Variants in LIMD1 observed in about 807,000 individuals in gnomAD.
LIMD1 encodes the protein LIM domain-containing protein 1.
In LIMD1, 23 loss-of-function variants were observed where a neutral mutation model predicts 58.4. The ratio of observed to expected loss-of-function variants is 0.39; its 90% CI spans 0.28 to 0.56. The LOEUF (loss-of-function observed/expected upper bound fraction) is 0.56. Ranked by LOEUF, LIMD1 falls within the 20% of genes least tolerant of loss-of-function variation. The probability of loss-of-function intolerance (pLI) is 0.57; values close to 1 mark genes in which losing one functional copy is unlikely to be tolerated. For synonymous variants in LIMD1, 334 were observed against 345.5 expected (o/e 0.97, Z 0.37); for missense variants, 838 against 855.5 (o/e 0.98, Z 0.25).
At chr3:45,624,747 A>C (rs1012997586) in intron 1 of LIMD1, among the ~76,000 whole-genome samples, 3 of 151,822 alleles carry the variant, frequency 2.0e-5, no homozygotes, top group African/African-American at 7.3e-5. Flanking sequence ...ACAAAAAAAA[A>C]CTTTCCATCA....
chr3:45,636,833 C>A (rs117194820), intron 2 of LIMD1, among the ~76,000 whole-genome samples: 2 of 152,174 alleles, frequency 1.3e-5, no homozygotes, highest in East Asian at 3.9e-4. Context: ...ATAATTCAAG[C>A]AGCCCATCAG....
Position 45,682,398 on chromosome 3 carries a change from C to G in LIMD1, c.*5339C>G, listed in dbSNP as rs9851400. 0.45 allele frequency: 69,070 copies of G among 152,116 alleles called. 16,092 individuals are homozygous for G. The highest frequency in any genetic ancestry group is 0.7 in the East Asian group (3,591 of 5,162). 9.4% of individuals were successfully genotyped at this position (152,116 alleles called of 1,614,324 possible). A position where few individuals can be genotyped will look rare whatever the true frequency, so the allele number is the denominator to read the frequency against. ...TAAATATTCCCGCCATGGCCACTTTCCAGCTACCAGCAAGGCATCCTGGCA... is the reference window on the plus strand; with the variant it reads ...TAAATATTCCCGCCATGGCCACTTTGCAGCTACCAGCAAGGCATCCTGGCA... On this transcript the variant is annotated 3_prime_UTR_variant, in exon 8 of 8. Coordinates refer to ENST00000273317, the MANE Select transcript of LIMD1 (RefSeq NM_014240.3).
intron 4 of LIMD1, among the ~76,000 whole-genome samples, chr3:45,669,045 C>A (rs1230395501): frequency 6.6e-6 from 1 of 152,136 alleles, no homozygotes; most frequent in Non-Finnish European, 1.5e-5. Flanking sequence ...TGTTTTTCTC[C>A]CTGTGTTATG....
intron 2 of LIMD1, among the ~76,000 whole-genome samples, chr3:45,652,538 T>A (rs949160646): frequency 2.0e-5 from 3 of 152,254 alleles, no homozygotes; most frequent in African/African-American, 7.2e-5. Context: ...CTTTCAATCT[T>A]CTGAGCATTG....
At chr3:45,675,205 C>T (rs1488278994) in intron 7 of LIMD1, among the ~76,000 whole-genome samples, 2 of 152,320 alleles carry the variant, frequency 1.3e-5, no homozygotes, top group Non-Finnish European at 2.9e-5. Flanking sequence ...CAACAGGCCT[C>T]TCCACATTTT....
At position 45,596,159 on chromosome 3, in the gene LIMD1, T is replaced by C. The variant is rs1332147020; in HGVS notation, c.1280T>C (p.Val427Ala). ...CTGGACAGCCCCAGCTCCCCTAGGG[T>C]AAGGCTGCCCTGCCAGCCCCTCGTC... The part of the protein sequence containing the change: ...VLLDSPSSPR[V>A]RLPCQPLVPG... Residue 427 changes from valine (V) to alanine (A), a missense_variant, in exon 1 of 8, where the codon GTA (valine) becomes GCA (alanine). Val to Ala is a moderately conservative substitution (Grantham distance 64). This residue lies in a region of LIMD1 where 659 missense variants were observed against 639.8 expected (regional missense o/e 1.03). Coordinates refer to ENST00000273317, the MANE Select transcript of LIMD1 (RefSeq NM_014240.3). 1.2e-6 allele frequency: 2 copies of C among 1,613,932 alleles called. No individual in the cohort carries two copies. The highest frequency in any genetic ancestry group is 2.7e-5 in the African/African-American group (2 of 74,930).
rs895307660 is a variant in LIMD1, at chr3:45,683,432, A to T, written c.*6373A>T. 2 of 152,000 alleles carry T rather than the reference A, an allele frequency of 1.3e-5. No individual in the cohort carries two copies. The highest frequency in any genetic ancestry group is 4.8e-5 in the African/African-American group (2 of 41,430). The allele number at this position is 152,000 out of a possible 1,614,324, so 9.4% of individuals were successfully genotyped here. A position where few individuals can be genotyped will look rare whatever the true frequency, so the allele number is the denominator to read the frequency against. On this transcript the variant is annotated 3_prime_UTR_variant, in exon 8 of 8. Coordinates refer to ENST00000273317, the MANE Select transcript of LIMD1 (RefSeq NM_014240.3). Reference sequence around the variant, plus strand: ...CCCTTTTCTGCATGGCAGGTGAAAAATTGAAAGTATCGCTAATTGATCCCC... The same window carrying T: ...CCCTTTTCTGCATGGCAGGTGAAAATTTGAAAGTATCGCTAATTGATCCCC...
At position 45,672,781 on chromosome 3, in the gene LIMD1, A is replaced by T. The variant is rs1437207148; in HGVS notation, c.1733A>T (p.Asp578Val). 2 of 1,613,976 alleles carry T rather than the reference A, an allele frequency of 1.2e-6. No homozygotes were observed. The highest frequency in any genetic ancestry group is 1.7e-6 in the Non-Finnish European group (2 of 1,179,976). Residue 578 changes from aspartate to valine, a missense_variant, in exon 5 of 8, where the codon GAC becomes GTC. This residue lies in a region of LIMD1 where 174 missense variants were observed against 197.4 expected (regional missense o/e 0.88). Coordinates refer to ENST00000273317, the MANE Select transcript of LIMD1 (RefSeq NM_014240.3). ...TTGGATGGGGTGCCCTTCACCGTGGACTCAGAGAACAAGATCTACTGTGTC... is the reference window on the plus strand; with the variant it reads ...TTGGATGGGGTGCCCTTCACCGTGGTCTCAGAGAACAAGATCTACTGTGTC... Reference protein sequence around the residue: ...ECLDGVPFTVDSENKIYCVRD... With the variant: ...ECLDGVPFTVVSENKIYCVRD...
rs897815796 is a variant in LIMD1 at position 45,678,035 on chromosome 3, T to C, written c.*976T>C. On this transcript the variant is annotated 3_prime_UTR_variant, in exon 8 of 8. Coordinates refer to ENST00000273317, the MANE Select transcript of LIMD1 (RefSeq NM_014240.3). ...CTTATAAACAAGGAGAGTTTTTGTGTGTGCGAGATCTCTAAGCCAGCGTGG... is the reference window on the plus strand; with the variant it reads ...CTTATAAACAAGGAGAGTTTTTGTGCGTGCGAGATCTCTAAGCCAGCGTGG... 6.6e-6 allele frequency: 1 copy of C among 152,516 alleles called. No individual in the cohort carries two copies. Among genetic ancestry groups the C allele is most frequent in the African/African-American group, 2.4e-5 (1 of 41,444 alleles). 9.4% of individuals were successfully genotyped at this position (152,516 alleles called of 1,614,324 possible). A position where few individuals can be genotyped will look rare whatever the true frequency, so the allele number is the denominator to read the frequency against.
intron 1 of LIMD1, among the ~76,000 whole-genome samples, chr3:45,612,070 G>GCTCTCTCTCT (rs112847908): frequency 5.5e-4 from 79 of 144,942 alleles, no homozygotes; most frequent in African/African-American, 1.8e-3. Context: ...GCAGGTGCGC[G>GCTCTCTCTCT]CTCTCTCTCT....
chr3:45,630,955 G>A (rs1701722787), intron 1 of LIMD1, among the ~76,000 whole-genome samples: 1 of 152,172 alleles, frequency 6.6e-6, no homozygotes, highest in Non-Finnish European at 1.5e-5. Context: ...TGTAATCCCA[G>A]CACTTTGGGA....
At chr3:45,636,936 G>C (rs141742885) in intron 2 of LIMD1, among the ~76,000 whole-genome samples, 2 of 152,308 alleles carry the variant, frequency 1.3e-5, no homozygotes, top group East Asian at 3.9e-4. Flanking sequence ...GATTTTGCTT[G>C]TTTTCTGTCT....
intron 2 of LIMD1, among the ~76,000 whole-genome samples, chr3:45,645,755 G>C (rs181479875): frequency 7.2e-5 from 11 of 152,142 alleles, no homozygotes; most frequent in African/African-American, 9.6e-5. Context: ...TCTCACTGAG[G>C]GTATCCCTTC....
intron 2 of LIMD1, among the ~76,000 whole-genome samples, chr3:45,662,983 C>CA (rs200455107): frequency 0.054 from 6,868 of 126,182 alleles, 163 homozygotes; most frequent in African/African-American, 0.087. Context: ...GACTCCGTCT[C>CA]AAAAAAAAAA....
intron 2 of LIMD1, among the ~76,000 whole-genome samples, chr3:45,663,955 C>A (rs1277541149): frequency 6.7e-6 from 1 of 149,508 alleles, no homozygotes; most frequent in African/African-American, 2.5e-5. Context: ...ACTGCAACCT[C>A]CGCCTCCTAG....
chr3:45,596,200 A>G lies in LIMD1; in HGVS notation c.1321A>G (p.Arg441Gly), dbSNP rs1033323168. 2.5e-6 allele frequency: 4 copies of G among 1,613,696 alleles called. No homozygotes were observed. Among genetic ancestry groups the G allele is most frequent in the Admixed American group, 3.3e-5 (2 of 59,952 alleles). ...GCCCCTCGTCCCAGGTCCTGAGCTG[A>G]GACCCTCTGCTGCTGAGTTGAAATT... ...CQPLVPGPEL[R>G]PSAAELKLEA... The change falls in exon 1 of 8, where the codon AGA (arginine) becomes GGA (glycine). Residue 441 changes from arginine (R) to glycine (G), a missense_variant. This residue lies in a region of LIMD1 where 659 missense variants were observed against 639.8 expected (regional missense o/e 1.03). Coordinates refer to ENST00000273317, the MANE Select transcript of LIMD1 (RefSeq NM_014240.3).
intron 2 of LIMD1, among the ~76,000 whole-genome samples, chr3:45,661,360 C>A (rs1203840255): frequency 6.6e-6 from 1 of 152,182 alleles, no homozygotes; most frequent in Non-Finnish European, 1.5e-5. Context: ...TACTTATATA[C>A]TTCCTTTAAA....
At chr3:45,659,874 A>C (rs1386125839) in intron 2 of LIMD1, among the ~76,000 whole-genome samples, 2 of 152,174 alleles carry the variant, frequency 1.3e-5, no homozygotes, top group Admixed American at 1.3e-4. Flanking sequence ...TTATCATCTT[A>C]CACTCTCAGC....
chr3:45,622,157 A>C (rs28687191), intron 1 of LIMD1, among the ~76,000 whole-genome samples: 5 of 151,894 alleles, frequency 3.3e-5, no homozygotes, highest in African/African-American at 9.7e-5. Flanking sequence ...GAAGAATTTT[A>C]TTATCCCAGA....
Sources: allele counts gnomAD v4.1 joint callset (sites outside exome capture counted in the v4.1 genomes callset), GRCh38; gene constraint gnomAD v4.1.1; regional missense constraint gnomAD v4.1.1; transcripts MANE v1.5; gene names NCBI Gene and HGNC (gene_info 2026-07-23, HGNC 2026-07-21).